The following TMPRSS4 variants were observed in gnomAD, a reference collection of about 807,000 sequenced individuals.
The protein encoded by TMPRSS4 is transmembrane serine protease 4.
TMPRSS4 carries 45 observed loss-of-function variants against 56.4 expected under a neutral mutation model. The observed-to-expected ratio is 0.80, with a 90% CI of 0.63 to 1.02. The LOEUF (loss-of-function observed/expected upper bound fraction) is 1.02, where lower values mean the gene tolerates loss of function less well. TMPRSS4 is among the 50% of genes least tolerant of loss of function. The pLI is 0.00. For synonymous variants in TMPRSS4, 205 were observed against 211.0 expected, an observed-to-expected ratio of 0.97 and a Z score of 0.25; for missense variants, 546 against 556.7, an observed-to-expected ratio of 0.98 and a Z score of 0.19.
At chr11:118,108,049 G>A (rs749020741) in intron 6 of TMPRSS4, 174 bp downstream of exon 6, 28 of 586,714 alleles carry the variant, frequency 4.8e-5, no homozygotes, top group Non-Finnish European at 6.7e-5. Context: ...TCACATTTTG[G>A]AGAGGTTTTC....
intron 1 of TMPRSS4, among the ~76,000 whole-genome samples, chr11:118,090,097 C>T (rs1412109121): frequency 2.0e-5 from 3 of 152,176 alleles, no homozygotes; most frequent in African/African-American, 7.2e-5. Context: ...CCGCCTCAGC[C>T]TCCCAAAGTG....
intron 1 of TMPRSS4, among the ~76,000 whole-genome samples, chr11:118,084,910 A>T (rs533169719): frequency 1.3e-5 from 2 of 152,188 alleles, no homozygotes; most frequent in Non-Finnish European, 2.9e-5. Context: ...AGAGTTCAGG[A>T]GGAGCAGGAT....
At chr11:118,122,058 G>A (rs1448184900), downstream of TMPRSS4, among the ~76,000 whole-genome samples, 3 of 152,100 alleles carry the variant, frequency 2.0e-5, no homozygotes, top group African/African-American at 7.2e-5. Context: ...AGTAGCAATT[G>A]ATGAATAAAA....
rs1291755625 is a variant in TMPRSS4, at chr11:118,117,666, T to TAGAA, written c.1302+213_1302+216dup. ...TGATAAATGCAAATACCTTAGGGAA[T>TAGAA]AGAACACACCAAGCCTTTCTTTCTC... On this transcript the variant is annotated intron_variant, in intron 12 of 12. Transcript: ENST00000437212. 7 of 985,400 alleles carry TAGAA rather than the reference T, an allele frequency of 7.1e-6. No individual in the cohort carries two copies. In the Admixed American group the frequency reaches 3.7e-4, roughly 52 times the overall value. The allele number at this position is 985,400 out of a possible 1,614,324, so 61.0% of individuals were successfully genotyped here. A position where few individuals can be genotyped will look rare whatever the true frequency, so the allele number is the denominator to read the frequency against.
chr11:118,112,694 T>C (rs1240435818), intron 8 of TMPRSS4, among the ~76,000 whole-genome samples: 1 of 152,052 alleles, frequency 6.6e-6, no homozygotes, highest in Non-Finnish European at 1.5e-5. Flanking sequence ...CATCCGGCTT[T>C]TATTTATTCA....
chr11:118,120,190 T>C lies in TMPRSS4; in HGVS notation c.*2277T>C, dbSNP rs1270172550. The C allele has an allele frequency of 6.6e-6, 1 of 152,254 alleles. No homozygotes were observed. Among genetic ancestry groups the C allele is most frequent in the Non-Finnish European group, 1.5e-5 (1 of 68,044 alleles). The allele number at this position is 152,254 out of a possible 1,614,324, so 9.4% of individuals were successfully genotyped here. Reference sequence around the variant, plus strand: ...GCATGTGTCAGAATTTCTTCCCTTTTTAGACTAAATAATATTCTATTGTTT... The same window carrying C: ...GCATGTGTCAGAATTTCTTCCCTTTCTAGACTAAATAATATTCTATTGTTT... On this transcript the variant is annotated 3_prime_UTR_variant, in exon 13 of 13. Coordinates refer to ENST00000437212, the MANE Select transcript of TMPRSS4 (RefSeq NM_019894.4).
At chr11:118,111,948 G>C in intron 8 of TMPRSS4, 48 bp downstream of exon 8, 3 of 1,578,002 alleles carry the variant, frequency 1.9e-6, no homozygotes, top group Non-Finnish European at 2.6e-6. Flanking sequence ...GGCCAGTCAG[G>C]GACCAGAGAG....
intron 1 of TMPRSS4, among the ~76,000 whole-genome samples, chr11:118,085,203 TGGA>T (rs1032959064): frequency 6.7e-6 from 1 of 149,556 alleles, no homozygotes; most frequent in African/African-American, 2.4e-5. Context: ...GTTCTACAGA[TGGA>T]GGAGTCAGAT....
intron 2 of TMPRSS4, among the ~76,000 whole-genome samples, chr11:118,098,242 C>A (rs1233598394): frequency 6.6e-6 from 1 of 151,336 alleles, no homozygotes; most frequent in Non-Finnish European, 1.5e-5. Context: ...CCCTGGTACC[C>A]CAGGCACACC....
At position 118,117,923 on chromosome 11, in the gene TMPRSS4, C is replaced by G. The variant is rs1457323290; in HGVS notation, c.*10C>G. The G allele has an allele frequency of 6.2e-7, 1 of 1,613,154 alleles. No homozygotes were observed. Among genetic ancestry groups the G allele is most frequent in the Non-Finnish European group, 8.5e-7 (1 of 1,180,040 alleles). On this transcript the variant is annotated 3_prime_UTR_variant, in exon 13 of 13. Coordinates refer to ENST00000437212, the MANE Select transcript of TMPRSS4 (RefSeq NM_019894.4). ...CTAGGCTGAGCTGTAATGCTGCTGCCCCTTTGCAGTGCTGGGAGCCGCTTC... is the reference window on the plus strand; with the variant it reads ...CTAGGCTGAGCTGTAATGCTGCTGCGCCTTTGCAGTGCTGGGAGCCGCTTC...
chr11:118,113,944 G>A (rs1425044154), intron 9 of TMPRSS4, among the ~76,000 whole-genome samples: 1 of 152,192 alleles, frequency 6.6e-6, no homozygotes. Flanking sequence ...CAACTGTGGG[G>A]TCCACAAGAC....
Position 118,114,886 on chromosome 11 carries a change from C to A in TMPRSS4, c.968C>A (p.Pro323Gln). ...FFDEELTPAT[P>Q]LWIIGWGFTK... ...GATGAGGAGCTCACTCCAGCCACCC[C>A]ACTCTGGATCATTGGATGGGGCTTT... Residue 323 changes from proline (P) to glutamine (Q), a missense_variant, in exon 10 of 13, where the codon CCA (proline) becomes CAA (glutamine). By Grantham distance (76) the Pro-to-Gln change is moderately conservative. Transcript: ENST00000437212. 7 of 1,608,100 alleles carry A rather than the reference C, an allele frequency of 4.4e-6. No individual in the cohort carries two copies. Among genetic ancestry groups the A allele is most frequent in the Non-Finnish European group, 5.9e-6 (7 of 1,177,392 alleles).
In TMPRSS4 at chr11:118,119,011, C is replaced by T. The variant is rs1947698800; in HGVS notation, c.*1098C>T. The T allele has an allele frequency of 1.0e-6, 1 of 985,278 alleles. No individual in the cohort carries two copies. The highest frequency in any genetic ancestry group is 1.7e-5 in the African/African-American group (1 of 57,228). 61.0% of individuals were successfully genotyped at this position (985,278 alleles called of 1,614,324 possible). On this transcript the variant is annotated 3_prime_UTR_variant, in exon 13 of 13. Coordinates refer to ENST00000437212, the MANE Select transcript of TMPRSS4 (RefSeq NM_019894.4). Reference sequence around the variant, plus strand: ...GACTTTTTTGGCATCTGTATGAAAGCTTGGGTTTTCTGAGGACTGTCTTGC... The same window carrying T: ...GACTTTTTTGGCATCTGTATGAAAGTTTGGGTTTTCTGAGGACTGTCTTGC...
At chr11:118,086,395 T>C (rs1465777629) in intron 1 of TMPRSS4, among the ~76,000 whole-genome samples, 1 of 152,224 alleles carries the variant, frequency 6.6e-6, no homozygotes, top group South Asian at 2.1e-4. Flanking sequence ...ACCTATGTGG[T>C]TTAGAACAAG....
At position 118,113,797 on chromosome 11, in the gene TMPRSS4, C is replaced by A. The variant is rs61900612; in HGVS notation, c.910+362C>A. The stretch of plus-strand genomic sequence containing the variant: ...CGCAAGAGCCTGCTCAGTATCCCTG[C>A]CAAGGAGTCATTGTGCCCCTGTTTG... On this transcript the variant is annotated intron_variant, in intron 9 of 12. Transcript: ENST00000437212. Among the ~76,000 whole-genome samples, 256 of 152,348 alleles carry A rather than the reference C, an allele frequency of 1.7e-3. 2 individuals are homozygous for A. Among genetic ancestry groups the A allele is most frequent in the Non-Finnish European group, 3.2e-3 (215 of 68,036 alleles).
At chr11:118,112,526 G>A (rs1947328666) in intron 8 of TMPRSS4, among the ~76,000 whole-genome samples, 1 of 151,530 alleles carries the variant, frequency 6.6e-6, no homozygotes, top group African/African-American at 2.4e-5. Context: ...CCAAGTAGCT[G>A]GGACTATAGG....
At position 118,118,327 on chromosome 11, in the gene TMPRSS4, A is replaced by G; in HGVS notation, c.*414A>G. The G allele has an allele frequency of 2.8e-6, 3 of 1,057,392 alleles. No individual in the cohort carries two copies. Among genetic ancestry groups the G allele is most frequent in the East Asian group, 1.5e-4 (2 of 13,496 alleles). 65.5% of individuals were successfully genotyped at this position (1,057,392 alleles called of 1,614,324 possible). A position where few individuals can be genotyped will look rare whatever the true frequency, so the allele number is the denominator to read the frequency against. ...TCCGTCTTCACCCATCCCCAAGCCT[A>G]CTAGAGCAAGAAACCAGTTGTAATA... On this transcript the variant is annotated 3_prime_UTR_variant, in exon 13 of 13. Coordinates refer to ENST00000437212, the MANE Select transcript of TMPRSS4 (RefSeq NM_019894.4).
intron 2 of TMPRSS4, among the ~76,000 whole-genome samples, chr11:118,095,754 G>A (rs1565420774): frequency 6.6e-6 from 1 of 152,166 alleles, no homozygotes; most frequent in Non-Finnish European, 1.5e-5. Flanking sequence ...AGAGAAAGAG[G>A]CCAAATTACA....
intron 1 of TMPRSS4, among the ~76,000 whole-genome samples, chr11:118,079,723 GGGGCTTGGCT>G (rs150700918): frequency 6.6e-6 from 1 of 151,650 alleles, no homozygotes; most frequent in African/African-American, 2.4e-5. Context: ...ACAGAGTCAA[GGGGCTTGGCT>G]GGGCTTGGCT....
Sources: gnomAD v4.1 joint callset for allele counts (sites outside exome capture counted in the v4.1 genomes callset) on GRCh38, gnomAD v4.1.1 for gene constraint, MANE v1.5 for transcripts, NCBI Gene and HGNC (gene_info 2026-07-23, HGNC 2026-07-21) for gene names.